The following VIL1 variants were observed in gnomAD, a reference collection of about 807,000 sequenced individuals.
VIL1 encodes villin 1.
A neutral mutation model predicts 104.0 loss-of-function variants in VIL1; 86 were observed. The observed-to-expected ratio is 0.83, with a 90% CI of 0.69 to 0.99. VIL1 has a LOEUF of 0.99. Among genes scored for constraint, VIL1 ranks in the 50% least tolerant of loss-of-function variants. The pLI is 0.00. For missense variants in VIL1, 944 were observed against 1,054.1 expected (o/e 0.90, Z 1.45); for synonymous variants, 394 against 412.6 (o/e 0.95, Z 0.55).
At chr2:218,432,651 G>A in intron 12 of VIL1, 142 bp from the exon 13 acceptor site, 1 of 1,142,526 alleles carries the variant, frequency 8.8e-7, no homozygotes, top group South Asian at 1.4e-5. Context: ...GGTTTTGGCT[G>A]TTTCACAGTG....
chr2:218,426,378 C>T (rs1689003109), intron 4 of VIL1, among the ~76,000 whole-genome samples: 1 of 152,122 alleles, frequency 6.6e-6, no homozygotes, highest in South Asian at 2.1e-4. Context: ...CCTCAGCCTC[C>T]CCAGTAGCTG....
In VIL1 at chr2:218,432,808, CA is replaced by C; in HGVS notation, c.1359del (p.Asp454MetfsTer199). 6.2e-7 allele frequency: 1 copy of C among 1,614,020 alleles called. No individual in the cohort carries two copies. Among genetic ancestry groups the C allele is most frequent in the Non-Finnish European group, 8.5e-7 (1 of 1,179,996 alleles). On this transcript the variant is annotated frameshift_variant, in exon 13 of 20. Coordinates refer to ENST00000248444, the MANE Select transcript of VIL1 (RefSeq NM_007127.3). LOFTEE classifies it high-confidence loss of function. Reference sequence around the variant, plus strand: ...TCATCCCCAGGGCAGCCAGGCCAGCCAAGATGAAATTACAGCATCAGCTTAT... The same window carrying C: ...TCATCCCCAGGGCAGCCAGGCCAGCCAGATGAAATTACAGCATCAGCTTAT... ...LYVWQGSQAS[Q>X]DEITASAYQA...
At chr2:218,423,911 C>T in intron 2 of VIL1, 58 bp downstream of exon 2, 1 of 1,591,502 alleles carries the variant, frequency 6.3e-7, no homozygotes, top group Non-Finnish European at 8.6e-7. Flanking sequence ...GAGGCAAGGC[C>T]AAGGAGGGAG....
chr2:218,437,051 G>C, intron 16 of VIL1, 73 bp from the exon 17 acceptor site: 1 of 1,546,926 alleles, frequency 6.5e-7, no homozygotes, highest in South Asian at 1.2e-5. Flanking sequence ...TTTCACTGTT[G>C]GACAACTGAG....
rs764752153 is a variant in VIL1 at position 218,423,810 on chromosome 2, C to G, written c.32C>G (p.Ser11Cys). The G allele has an allele frequency of 6.2e-7, 1 of 1,614,186 alleles. No individual in the cohort carries two copies. The highest frequency in any genetic ancestry group is 8.5e-7 in the Non-Finnish European group (1 of 1,180,032). The change falls in exon 2 of 20, where the codon TCT (serine) becomes TGT (cysteine). Residue 11 changes from serine to cysteine, a missense_variant. Coordinates refer to ENST00000248444, the MANE Select transcript of VIL1 (RefSeq NM_007127.3). MTKLSAQVKG[S>C]LNITTPGLQI... ...AAGCTGAGCGCCCAAGTCAAAGGCT[C>G]TCTCAACATCACCACCCCGGGGCTG...
At chr2:218,440,655 A>G in intron 18 of VIL1, 67 bp from the exon 19 acceptor site, 1 of 1,602,194 alleles carries the variant, frequency 6.2e-7, no homozygotes, top group Non-Finnish European at 8.5e-7. Flanking sequence ...GACTTCAGAG[A>G]GAAAGGCAGC....
At chr2:218,448,565 A>G (rs537816557) in intron 19 of VIL1, among the ~76,000 whole-genome samples, 16 of 146,408 alleles carry the variant, frequency 1.1e-4, no homozygotes, top group Non-Finnish European at 1.7e-4. Flanking sequence ...CACTGTCTTA[A>G]AAAAAAAAAA....
intron 19 of VIL1, 48 bp from the exon 20 acceptor site, chr2:218,449,175 G>A (rs1325421858): frequency 7.1e-7 from 1 of 1,399,416 alleles, no homozygotes; most frequent in Admixed American, 1.7e-5. Context: ...GGTGAGGGAG[G>A]AAGGAAGGAT....
At chr2:218,438,025 G>T (rs1208469605) in intron 17 of VIL1, among the ~76,000 whole-genome samples, 1 of 152,088 alleles carries the variant, frequency 6.6e-6, no homozygotes, top group South Asian at 2.1e-4. Flanking sequence ...TTGTTGGTTT[G>T]TTTTTTTAAA....
At position 218,440,822 on chromosome 2, in the gene VIL1, T is replaced by C. The variant is rs144553946; in HGVS notation, c.2330T>C (p.Val777Ala). Residue 777 changes from valine (V) to alanine (A), a missense_variant, in exon 19 of 20, where the codon GTA becomes GCA. By Grantham distance (64) the Val-to-Ala change is moderately conservative. Coordinates refer to ENST00000248444, the MANE Select transcript of VIL1 (RefSeq NM_007127.3). The part of the protein sequence containing the change: ...FPLEQLVNKP[V>A]EELPEGVDPS... ...CTGGAGCAGCTAGTGAACAAGCCTG[T>C]AGAGGAGCTCCCCGAGGGTGTGGAC... 2.5e-6 allele frequency: 4 copies of C among 1,613,942 alleles called. No individual in the cohort carries two copies. The highest frequency in any genetic ancestry group is 1.3e-5 in the African/African-American group (1 of 74,900).
At chr2:218,427,763 G>A (rs1162740617) in intron 4 of VIL1, among the ~76,000 whole-genome samples, 1 of 152,158 alleles carries the variant, frequency 6.6e-6, no homozygotes, top group African/African-American at 2.4e-5. Context: ...GTCGTGCAAG[G>A]GCATGCCACA....
chr2:218,422,557 G>C (rs982775253), intron 1 of VIL1, among the ~76,000 whole-genome samples: 9 of 152,214 alleles, frequency 5.9e-5, no homozygotes, highest in African/African-American at 2.2e-4. Flanking sequence ...ACTGGGCAGG[G>C]CCTTACCTCC....
At chr2:218,433,089 T>C in intron 13 of VIL1, 138 bp downstream of exon 13, 1 of 1,065,438 alleles carries the variant, frequency 9.4e-7, no homozygotes, top group Non-Finnish European at 1.3e-6. Context: ...CTGGAGGTTC[T>C]ATCACCTATG....
In VIL1 at chr2:218,437,236, T is replaced by C. The variant is rs757253671; in HGVS notation, c.2084T>C (p.Ile695Thr). 6.8e-6 allele frequency: 11 copies of C among 1,614,102 alleles called. No homozygotes were observed. The highest frequency in any genetic ancestry group is 1.7e-5 in the Admixed American group (1 of 60,012). ...AGCGGGCGTGACCCTGAGACCCCCA[T>C]CATTGTGGTGAAGCAGGGACACGAG... is the stretch of plus-strand genomic sequence containing the variant. ...HPSGRDPETP[I>T]IVVKQGHEPP... Residue 695 changes from isoleucine to threonine, a missense_variant, in exon 17 of 20, where the codon ATC becomes ACC. Physicochemically the swap from Ile to Thr is moderately conservative, Grantham distance 89. Transcript: ENST00000248444.
chr2:218,431,992 G>C lies in VIL1; in HGVS notation c.1203+35G>C, dbSNP rs1369993159. 3.1e-6 allele frequency: 5 copies of C among 1,614,072 alleles called. No homozygotes were observed. In the Admixed American group the frequency reaches 8.3e-5, roughly 27 times the overall value. ...GGCAGAGAGGCCCGTGCTGGGTGGA[G>C]CAGGAATGGTGGAGCCTGTCCTGGA... On this transcript the variant is annotated intron_variant, in intron 11 of 19. Coordinates refer to ENST00000248444, the MANE Select transcript of VIL1 (RefSeq NM_007127.3).
At position 218,452,898 on chromosome 2, in the gene VIL1, T is replaced by G. The variant is rs1035422883; in HGVS notation, c.*3562T>G. On this transcript the variant is annotated 3_prime_UTR_variant, in exon 20 of 20. Transcript: ENST00000248444. Reference sequence around the variant, plus strand: ...CTTCACTCATTTATAAGAAAACCAATTATTTCCAAGCAAAATCAAACCAAA... The same window carrying G: ...CTTCACTCATTTATAAGAAAACCAAGTATTTCCAAGCAAAATCAAACCAAA... 2.0e-5 allele frequency: 3 copies of G among 152,200 alleles called. No homozygotes were observed. The highest frequency in any genetic ancestry group is 7.2e-5 in the African/African-American group (3 of 41,438). The allele number at this position is 152,200 out of a possible 1,614,324, so 9.4% of individuals were successfully genotyped here. A position where few individuals can be genotyped will look rare whatever the true frequency, so the allele number is the denominator to read the frequency against.
rs1349773624 is a variant in VIL1, at chr2:218,453,191, G to C, written c.*3855G>C. On this transcript the variant is annotated 3_prime_UTR_variant, in exon 20 of 20. Transcript: ENST00000248444. Reference sequence around the variant, plus strand: ...TCCAAGTTCCAAGAGTAGGACTGGAGCTCTCTTAAGGCAATCTTTCAGAAA... The same window carrying C: ...TCCAAGTTCCAAGAGTAGGACTGGACCTCTCTTAAGGCAATCTTTCAGAAA... 6.6e-6 allele frequency: 1 copy of C among 152,040 alleles called. No individual in the cohort carries two copies. Among genetic ancestry groups the C allele is most frequent in the South Asian group, 2.1e-4 (1 of 4,820 alleles). 9.4% of individuals were successfully genotyped at this position (152,040 alleles called of 1,614,324 possible). A position where few individuals can be genotyped will look rare whatever the true frequency, so the allele number is the denominator to read the frequency against.
chr2:218,426,892 A>G (rs758009099), intron 4 of VIL1, among the ~76,000 whole-genome samples: 7 of 152,106 alleles, frequency 4.6e-5, no homozygotes, highest in South Asian at 4.2e-4. Context: ...GTGAGCCACC[A>G]TGCCTGGCCA....
intron 18 of VIL1, among the ~76,000 whole-genome samples, chr2:218,439,216 C>T (rs895346468): frequency 4.6e-5 from 7 of 152,006 alleles, no homozygotes; most frequent in Non-Finnish European, 1.0e-4. Flanking sequence ...CAGGCATGAG[C>T]CACCACACCT....
Sources: allele counts gnomAD v4.1 joint callset (sites outside exome capture counted in the v4.1 genomes callset), GRCh38; gene constraint gnomAD v4.1.1; transcripts MANE v1.5; gene names NCBI Gene and HGNC (gene_info 2026-07-23, HGNC 2026-07-21).